The following CNNM4 variants were observed in gnomAD, a reference collection of about 807,000 sequenced individuals.
CNNM4 encodes metal transporter CNNM4.
A neutral mutation model predicts 53.7 loss-of-function variants in CNNM4; 32 were observed. That is an observed-to-expected ratio of 0.60 (90% CI 0.45 to 0.80). The LOEUF (loss-of-function observed/expected upper bound fraction) is 0.80. Among genes scored for constraint, CNNM4 ranks in the 30% least tolerant of loss-of-function variants. The pLI is 0.00. For missense variants in CNNM4, 784 were observed against 1,022.0 expected, an observed-to-expected ratio of 0.77 and a Z score of 3.17; for synonymous variants, 410 against 440.0, an observed-to-expected ratio of 0.93 and a Z score of 0.85.
chr2:96,798,763 C>G (rs1374639268), intron 3 of CNNM4, among the ~76,000 whole-genome samples: 1 of 152,152 alleles, frequency 6.6e-6, no homozygotes, highest in Non-Finnish European at 1.5e-5. Flanking sequence ...GCTTTTACCC[C>G]CATATTACAG....
chr2:96,774,747 T>G (rs553067835), intron 1 of CNNM4, among the ~76,000 whole-genome samples: 1 of 152,046 alleles, frequency 6.6e-6, no homozygotes, highest in Non-Finnish European at 1.5e-5. Context: ...GTGGATCACC[T>G]GAGGTTAGGA....
At position 96,765,024 on chromosome 2, in the gene CNNM4, G is replaced by GTTTTTTTTTTTTTTTT. The variant is rs1158502593; in HGVS notation, c.1402+2650_1402+2665dup. On this transcript the variant is annotated intron_variant, in intron 1 of 6. Transcript: ENST00000377075. ...GTTTAGGAGTCTGGTGTTGGGAATG[G>GTTTTTTTTTTTTTTTT]TTTTTTTTTTTTTTTTTTTTTTTTT... Among the ~76,000 whole-genome samples, 2 of 41,558 alleles carry GTTTTTTTTTTTTTTTT rather than the reference G, an allele frequency of 4.8e-5. 1 individual carries two copies. The highest frequency in any genetic ancestry group is 8.8e-5 in the Non-Finnish European group (2 of 22,800). 27.3% of individuals were successfully genotyped at this position (41,558 alleles called of 152,430 possible). A position where few individuals can be genotyped will look rare whatever the true frequency, so the allele number is the denominator to read the frequency against.
rs766430198 is a variant in CNNM4 at position 96,809,502 on chromosome 2, C to G, written c.2313C>G (p.His771Gln). The G allele has an allele frequency of 1.9e-6, 3 of 1,614,092 alleles. No homozygotes were observed. In the African/African-American group the frequency reaches 4.0e-5, roughly 22 times the overall value. Residue 771 changes from histidine (H) to glutamine (Q), a missense_variant, in exon 7 of 7, where the codon CAC becomes CAG. His to Gln is a conservative substitution (Grantham distance 24). Transcript: ENST00000377075. ...ACTCCTTGCTGCACAAAGCCTCCCA[C>G]GAGAATGCCATCTGACAGGAGGGCC... ...ERNSLLHKAS[H>Q]ENAI
At chr2:96,805,596 C>G (rs1002996804) in intron 5 of CNNM4, among the ~76,000 whole-genome samples, 1 of 122,218 alleles carries the variant, frequency 8.2e-6, no homozygotes, top group African/African-American at 3.2e-5. Context: ...ACCCTGCGGC[C>G]TTCCGCAGTG....
At position 96,808,754 on chromosome 2, in the gene CNNM4, A is replaced by G; in HGVS notation, c.2130+12A>G. 2 of 1,613,302 alleles carry G rather than the reference A, an allele frequency of 1.2e-6. No homozygotes were observed. Among genetic ancestry groups the G allele is most frequent in the Non-Finnish European group, 1.7e-6 (2 of 1,179,276 alleles). The stretch of plus-strand genomic sequence containing the variant: ...TGCAGTACATCAAGGTGAGTGCCTC[A>G]CTGCCCTGTCTGGGCAGTGCTATCT... On this transcript the variant is annotated intron_variant, in intron 6 of 6. Transcript: ENST00000377075. This position sits in a 1 kb window ranked among gnomAD's most constrained non-coding sequence, Gnocchi z 4.9.
intron 5 of CNNM4, among the ~76,000 whole-genome samples, chr2:96,802,949 G>C (rs2079172181): frequency 6.6e-6 from 1 of 152,144 alleles, no homozygotes; most frequent in African/African-American, 2.4e-5. Context: ...ATCAGGAGCA[G>C]CACCAGCATC....
intron 5 of CNNM4, among the ~76,000 whole-genome samples, chr2:96,805,440 A>AAATTTTTTTTTT (rs2079194974): frequency 3.4e-5 from 3 of 87,478 alleles, no homozygotes; most frequent in East Asian, 3.6e-4. Flanking sequence ...TTTTTTTTTT[A>AAATTTTTTTTTT]TTATTTTTTT....
chr2:96,799,370 C>A (rs1432237198), intron 4 of CNNM4, 144 bp downstream of exon 4: 2 of 1,248,804 alleles, frequency 1.6e-6, no homozygotes, highest in Admixed American at 1.8e-5. Context: ...GCCTGCCCCA[C>A]GTGGCCATCC....
chr2:96,801,780 C>G lies in CNNM4; in HGVS notation c.1948+2132C>G, dbSNP rs115067177. 0.024 allele frequency among the ~76,000 whole-genome samples: 3,631 copies of G among 151,550 alleles called. 166 individuals are homozygous for G. The highest frequency in any genetic ancestry group is 0.082 in the African/African-American group (3,389 of 41,198). ...CCAGACACACACACAGACAGAGATA[C>G]TACAGACACCCATAGACAGAGATAT... On this transcript the variant is annotated intron_variant, in intron 5 of 6. Coordinates refer to ENST00000377075, the MANE Select transcript of CNNM4 (RefSeq NM_020184.4). This position sits in a 1 kb window ranked among gnomAD's most constrained non-coding sequence, Gnocchi z 5.6.
In CNNM4 at chr2:96,799,125, G is replaced by A. The variant is rs199703846; in HGVS notation, c.1750G>A (p.Val584Ile). 5 of 1,614,000 alleles carry A rather than the reference G, an allele frequency of 3.1e-6. No homozygotes were observed. In the East Asian group the frequency reaches 1.1e-4, roughly 36 times the overall value. Residue 584 changes from valine (V) to isoleucine (I), a missense_variant, in exon 4 of 7, where the codon GTC (valine) becomes ATC (isoleucine). Physicochemically the swap from Val to Ile is conservative, Grantham distance 29. Coordinates refer to ENST00000377075, the MANE Select transcript of CNNM4 (RefSeq NM_020184.4). ...GCTGCGGCTACTCAAGTACCCAGAT[G>A]TCATTCAGGAACTCAAGTTTGACGA... ...ILLRLLKYPD[V>I]IQELKFDEHN...
At chr2:96,792,872 G>A (rs1194082834) in intron 1 of CNNM4, among the ~76,000 whole-genome samples, 2 of 151,602 alleles carry the variant, frequency 1.3e-5, no homozygotes, top group East Asian at 3.8e-4. Flanking sequence ...CTGCCCTAAA[G>A]GGAGACAGGA....
At position 96,761,467 on chromosome 2, in the gene CNNM4, CGACGGGCCCTGGCT is replaced by C. The variant is rs778099516; in HGVS notation, c.471_484del (p.Asp157GlufsTer72). The C allele has an allele frequency of 6.2e-7, 1 of 1,614,118 alleles. No homozygotes were observed. ...ATGCACTGTGCACCCGGGCCCAGCCCGACGGGCCCTGGCTGAAGTGGACGGACAAGGACTCACTG... is the reference window on the plus strand; with the variant it reads ...ATGCACTGTGCACCCGGGCCCAGCCCGAAGTGGACGGACAAGGACTCACTG... On this transcript the variant is annotated frameshift_variant, in exon 1 of 7. Coordinates refer to ENST00000377075, the MANE Select transcript of CNNM4 (RefSeq NM_020184.4). LOFTEE classifies it high-confidence loss of function. This position sits in a 1 kb window ranked among gnomAD's most constrained non-coding sequence, Gnocchi z 6.0.
intron 1 of CNNM4, among the ~76,000 whole-genome samples, chr2:96,777,695 T>A (rs2078938602): frequency 6.6e-6 from 1 of 152,006 alleles, no homozygotes; most frequent in Non-Finnish European, 1.5e-5. Flanking sequence ...AGAGATGGGG[T>A]TTCACTGTGT....
chr2:96,807,282 G>A (rs570598067), intron 5 of CNNM4, among the ~76,000 whole-genome samples: 11 of 152,124 alleles, frequency 7.2e-5, no homozygotes, highest in Non-Finnish European at 1.5e-5. Flanking sequence ...GTGCTTACAG[G>A]TGTGAGCCAC....
At chr2:96,804,324 G>A (rs1387093646) in intron 5 of CNNM4, among the ~76,000 whole-genome samples, 1 of 151,322 alleles carries the variant, frequency 6.6e-6, no homozygotes, top group African/African-American at 2.4e-5. Flanking sequence ...CCACTTCCCG[G>A]GTTCAAGTGA....
chr2:96,807,577 G>GA (rs1250960479), intron 5 of CNNM4, among the ~76,000 whole-genome samples: 5 of 151,650 alleles, frequency 3.3e-5, no homozygotes, highest in East Asian at 3.9e-4. Context: ...ACAAGAAAAA[G>GA]AAAAAAAATT....
intron 1 of CNNM4, among the ~76,000 whole-genome samples, chr2:96,776,230 G>A (rs955221009): frequency 2.0e-5 from 3 of 151,402 alleles, no homozygotes; most frequent in African/African-American, 7.3e-5. Flanking sequence ...GGCTTTCACC[G>A]TGTTGATCAG....
At chr2:96,783,929 A>T (rs1045861525) in intron 1 of CNNM4, among the ~76,000 whole-genome samples, 3 of 152,192 alleles carry the variant, frequency 2.0e-5, no homozygotes, top group Non-Finnish European at 4.4e-5. Flanking sequence ...ATGTGATCCA[A>T]TTTGTGGTGG....
rs768361992 is a variant in CNNM4, at chr2:96,797,555, G to A, written c.1589G>A (p.Arg530His). 13 of 1,614,084 alleles carry A rather than the reference G, an allele frequency of 8.1e-6. No individual in the cohort carries two copies. The highest frequency in any genetic ancestry group is 2.2e-5 in the East Asian group (1 of 44,894). ...SRKRVSEKNK[R>H]DFSAFKDADN... is the part of the protein sequence containing the mutation. ...AAGCGGGTGTCTGAGAAGAACAAGC[G>A]TGACTTCTCTGCCTTCAAGGATGCG... The change falls in exon 3 of 7, where the codon CGT (arginine) becomes CAT (histidine). Residue 530 changes from arginine (R) to histidine (H), a missense_variant. Physicochemically the swap from Arg to His is conservative, Grantham distance 29. Transcript: ENST00000377075. This position sits in a 1 kb window ranked among gnomAD's most constrained non-coding sequence, Gnocchi z 6.0.
Sources: allele counts gnomAD v4.1 joint callset (sites outside exome capture counted in the v4.1 genomes callset), GRCh38; gene constraint gnomAD v4.1.1; non-coding constraint Gnocchi (gnomAD v3.1); transcripts MANE v1.5; gene names NCBI Gene and HGNC (gene_info 2026-07-23, HGNC 2026-07-21).